PABPC1L: variants seen among roughly 807,000 people sequenced by gnomAD.
The protein encoded by PABPC1L is poly(A) binding protein cytoplasmic 1 like.
Under a neutral mutation model 66.6 loss-of-function variants are expected in PABPC1L, and 31 were observed. The observed-to-expected ratio is 0.47, with a 90% CI of 0.35 to 0.63. PABPC1L has a LOEUF of 0.63. Among genes scored for constraint, PABPC1L ranks in the 20% least tolerant of loss-of-function variants. PABPC1L has a pLI of 0.00. For synonymous variants in PABPC1L, 348 were observed against 335.1 expected, an observed-to-expected ratio of 1.04 and a Z score of -0.42; for missense variants, 722 against 848.8, an observed-to-expected ratio of 0.85 and a Z score of 1.86.
intron 10 of PABPC1L, among the ~76,000 whole-genome samples, chr20:44,934,330 C>T (rs1386334021): frequency 1.3e-5 from 2 of 152,188 alleles, no homozygotes; most frequent in Non-Finnish European, 2.9e-5. Context: ...GTAAAATACA[C>T]ATAACAAAAT....
At chr20:44,927,376 T>C (rs2066817571) in intron 7 of PABPC1L, among the ~76,000 whole-genome samples, 1 of 151,354 alleles carries the variant, frequency 6.6e-6, no homozygotes, top group Admixed American at 6.6e-5. Context: ...AGATGGAGTT[T>C]TGCTCTTGTT....
chr20:44,926,811 T>C (rs1159593980), intron 7 of PABPC1L, among the ~76,000 whole-genome samples: 2 of 152,196 alleles, frequency 1.3e-5, no homozygotes, highest in African/African-American at 2.4e-5. Context: ...CCTCCCAAAG[T>C]GCTGAGATTA....
chr20:44,914,941 A>G (rs6130713), intron 2 of PABPC1L, among the ~76,000 whole-genome samples: 59,843 of 152,048 alleles, frequency 0.39, 12,441 homozygotes, highest in African/African-American at 0.52. Context: ...GAAATGACTG[A>G]AAGGATTCTC....
chr20:44,918,859 T>C (rs1408162498), intron 3 of PABPC1L, 47 bp from the exon 4 acceptor site: 1 of 1,527,572 alleles, frequency 6.5e-7, no homozygotes. Flanking sequence ...GGGTGGCTGA[T>C]GGCTGGTAGC....
At chr20:44,922,981 G>A (rs554421065) in intron 6 of PABPC1L, among the ~76,000 whole-genome samples, 5 of 152,320 alleles carry the variant, frequency 3.3e-5, no homozygotes, top group African/African-American at 9.6e-5. Context: ...ATCCTCTTGT[G>A]TACATACAGC....
chr20:44,931,498 A>T (rs1056598651), intron 8 of PABPC1L: 1 of 151,788 alleles, frequency 6.6e-6, no homozygotes, highest in Non-Finnish European at 1.5e-5. Flanking sequence ...TAAAAATTAA[A>T]TTTTTATTTT....
In PABPC1L at chr20:44,933,316, G is replaced by A. The variant is rs572229478; in HGVS notation, c.1459+131G>A. ...AGCTGACTTTGGAGACTGTAGCGTGGTAGTTAGCTTGGCCTCCAGTTCCTG... is the reference window on the plus strand; with the variant it reads ...AGCTGACTTTGGAGACTGTAGCGTGATAGTTAGCTTGGCCTCCAGTTCCTG... On this transcript the variant is annotated intron_variant, in intron 10 of 14. Transcript: ENST00000217073. 1.1e-5 allele frequency: 8 copies of A among 736,112 alleles called. No homozygotes were observed. The South Asian group carries it at 1.4e-4, about 13-fold the overall frequency. The allele number at this position is 736,112 out of a possible 1,614,324, so 45.6% of individuals were successfully genotyped here.
Position 44,919,205 on chromosome 20 carries a change from G to A in PABPC1L, c.666G>A (p.Val222=). 6.2e-7 allele frequency: 1 copy of A among 1,614,208 alleles called. No individual in the cohort carries two copies. The highest frequency in any genetic ancestry group is 8.5e-7 in the Non-Finnish European group (1 of 1,180,040). The change falls in exon 5 of 15, where the codon GTG becomes GTA. Residue 222 remains valine, a synonymous_variant. Transcript: ENST00000217073. ...SQFGKMLSVK[V]MRDNSGHSRC... is the part of the protein sequence containing the mutation. ...CAGGGAAAATGCTGAGTGTGAAGGT[G>A]ATGAGGGACAACAGCGGCCACTCGC...
intron 5 of PABPC1L, 124 bp from the exon 6 acceptor site, chr20:44,921,470 C>T: frequency 7.3e-7 from 1 of 1,370,910 alleles, no homozygotes; most frequent in Non-Finnish European, 1.0e-6. Context: ...TGTCCTGGTA[C>T]TGATTATTCT....
At chr20:44,913,941 A>C (rs141625885) in intron 2 of PABPC1L, among the ~76,000 whole-genome samples, 2 of 152,204 alleles carry the variant, frequency 1.3e-5, no homozygotes, top group South Asian at 4.1e-4. Context: ...GATGTGAAAC[A>C]TATTAGGTGC....
rs753301138 is a variant in PABPC1L at position 44,936,780 on chromosome 20, C to T, written c.1660+50C>T. The T allele has an allele frequency of 4.5e-6, 7 of 1,538,716 alleles. No individual in the cohort carries two copies. In the South Asian group the frequency reaches 5.9e-5, roughly 13 times the overall value. ...GGAGCAAGAAGAGGAGGGCTGCGAG[C>T]TGGCTAGCCTGCTGGGAAACACCTC... On this transcript the variant is annotated intron_variant, in intron 12 of 14. Coordinates refer to ENST00000217073, the MANE Select transcript of PABPC1L (RefSeq NM_001372179.1).
chr20:44,930,489 G>A lies in PABPC1L; in HGVS notation c.1002G>A (p.Gly334=). Residue 334 remains glycine, a synonymous_variant, in exon 8 of 15, where the codon GGG becomes GGA. Transcript: ENST00000217073. ...TGACAGAGGGTGGCCACAGCAAGGG[G>A]TTTGGCTTTGTGTGTTTTTCCTCCC... ...KVMTEGGHSK[G]FGFVCFSSPE... The A allele has an allele frequency of 6.2e-7, 1 of 1,614,220 alleles. No individual in the cohort carries two copies. Among genetic ancestry groups the A allele is most frequent in the Non-Finnish European group, 8.5e-7 (1 of 1,180,024 alleles).
intron 13 of PABPC1L, 118 bp from the exon 14 acceptor site, chr20:44,938,556 A>G: frequency 5.0e-6 from 6 of 1,209,860 alleles, no homozygotes; most frequent in Non-Finnish European, 7.0e-6. Flanking sequence ...GTTCCACAGA[A>G]ACCCTGTGGA....
intron 3 of PABPC1L, among the ~76,000 whole-genome samples, chr20:44,918,469 A>T (rs1601109878): frequency 6.6e-6 from 1 of 152,212 alleles, no homozygotes; most frequent in East Asian, 1.9e-4. Flanking sequence ...GTTAATAAGC[A>T]AAGCCCCATG....
chr20:44,915,643 C>T (rs2066732876), intron 2 of PABPC1L, among the ~76,000 whole-genome samples: 1 of 151,782 alleles, frequency 6.6e-6, no homozygotes, highest in Non-Finnish European at 1.5e-5. Flanking sequence ...ACTAAAAATA[C>T]AAAAAACTAG....
chr20:44,933,266 T>C (rs896395623), intron 10 of PABPC1L, 81 bp downstream of exon 10: 7 of 1,166,932 alleles, frequency 6.0e-6, no homozygotes, highest in Non-Finnish European at 8.7e-6. Flanking sequence ...ATGGTGACCT[T>C]GCCATATGCC....
At chr20:44,912,223 C>T (rs1405432549) in intron 1 of PABPC1L, among the ~76,000 whole-genome samples, 1 of 152,168 alleles carries the variant, frequency 6.6e-6, no homozygotes, top group Admixed American at 6.6e-5. Flanking sequence ...CTCAGCTCTG[C>T]CCTGCAGCAC....
intron 4 of PABPC1L, 44 bp downstream of exon 4, chr20:44,919,089 C>G (rs781291182): frequency 6.2e-7 from 1 of 1,611,488 alleles, no homozygotes; most frequent in Non-Finnish European, 8.5e-7. Flanking sequence ...TGTTTTTCCT[C>G]TTCCCTTCCA....
Position 44,919,029 on chromosome 20 carries a change from C to T in PABPC1L, c.627C>T (p.Asp209=), listed in dbSNP as rs747979810. 1.2e-6 allele frequency: 2 copies of T among 1,611,978 alleles called. No homozygotes were observed. Among genetic ancestry groups the T allele is most frequent in the Non-Finnish European group, 1.7e-6 (2 of 1,178,918 alleles). The change falls in exon 4 of 15, where the codon GAC becomes GAT. Residue 209 remains aspartate, a synonymous_variant. Transcript: ENST00000217073. The part of the protein sequence containing the change: ...PVDVDEQGLQ[D]LFSQFGKMLS... ...ATGTGGACGAGCAAGGCCTGCAGGA[C>T]CTCTTCTCCCAGTTTGGTGGGTGTG...
Sources: allele counts gnomAD v4.1 joint callset (sites outside exome capture counted in the v4.1 genomes callset), GRCh38; gene constraint gnomAD v4.1.1; transcripts MANE v1.5; gene names NCBI Gene and HGNC (gene_info 2026-07-23, HGNC 2026-07-21).